ROR2: variants seen among roughly 807,000 people sequenced by gnomAD.
ROR2 encodes the protein tyrosine-protein kinase transmembrane receptor ROR2.
In ROR2, 33 loss-of-function variants were observed where a neutral mutation model predicts 74.9. That is an observed-to-expected ratio of 0.44 (90% CI 0.33 to 0.59). ROR2 has a LOEUF of 0.59. Among genes scored for constraint, ROR2 ranks in the 20% least tolerant of loss-of-function variants. The probability of loss-of-function intolerance (pLI) is 0.02; values close to 1 mark genes in which losing one functional copy is unlikely to be tolerated. For synonymous variants in ROR2, 586 were observed against 558.7 expected (o/e 1.05, Z -0.69); for missense variants, 1,216 against 1,313.8 (o/e 0.93, Z 1.15).
rs575704910 is a variant in ROR2, at chr9:91,761,689, C to T, written c.176-4130G>A. Among the ~76,000 whole-genome samples the T allele has an allele frequency of 1.1e-3, 169 of 152,280 alleles. 2 individuals are homozygous for T. Among genetic ancestry groups the T allele is most frequent in the African/African-American group, 3.9e-3 (161 of 41,550 alleles). On this transcript the variant is annotated intron_variant, in intron 2 of 8. Transcript: ENST00000375708. The stretch of plus-strand genomic sequence containing the variant: ...TAACAGGCCACGCACCAGTACCAGT[C>T]CATGGCTGGGAGGTTGAGGACCACT...
intron 4 of ROR2, among the ~76,000 whole-genome samples, chr9:91,753,328 A>AGCAATGTGTGT (rs1825646719): frequency 6.6e-6 from 1 of 152,252 alleles, no homozygotes. Context: ...ATGAGTGCCA[A>AGCAATGTGTGT]GCAATGTGTG....
chr9:91,741,304 G>GTAGTAA (rs374035845), intron 4 of ROR2, among the ~76,000 whole-genome samples: 29 of 135,604 alleles, frequency 2.1e-4, no homozygotes, highest in Non-Finnish European at 3.8e-4. Context: ...GTCTCAAGTA[G>GTAGTAA]TAATAATAAT....
intron 1 of ROR2, among the ~76,000 whole-genome samples, chr9:91,796,453 A>AAC (rs932090526): frequency 2.0e-5 from 3 of 151,960 alleles, no homozygotes; most frequent in African/African-American, 7.3e-5. Flanking sequence ...AAAAAAAAAA[A>AAC]AACATTTTCA....
chr9:91,732,461 C>T (rs1476960877), intron 6 of ROR2, among the ~76,000 whole-genome samples: 2 of 152,114 alleles, frequency 1.3e-5, no homozygotes, highest in Non-Finnish European at 2.9e-5. Flanking sequence ...TCAGAACTGT[C>T]CCCCTCCCCC....
At chr9:91,831,162 G>A (rs2119184043) in intron 1 of ROR2, among the ~76,000 whole-genome samples, 1 of 152,050 alleles carries the variant, frequency 6.6e-6, no homozygotes, top group East Asian at 1.9e-4. Context: ...TCGGGAGGCT[G>A]AGGCAGGCGA....
chr9:91,856,810 A>G (rs953301927), intron 1 of ROR2, among the ~76,000 whole-genome samples: 4 of 152,214 alleles, frequency 2.6e-5, no homozygotes, highest in African/African-American at 9.6e-5. Flanking sequence ...GGCAATTCCC[A>G]ACATGCACTG....
rs187329915 is a variant in ROR2, at chr9:91,864,738, C to G, written c.97+85129G>C. ...GGCCAGGATATTTTCAGGATGTGCT[C>G]ATTTTAGACAATAACTTATTAAAGA... is the stretch of plus-strand genomic sequence containing the variant. On this transcript the variant is annotated intron_variant, in intron 1 of 8. Coordinates refer to ENST00000375708, the MANE Select transcript of ROR2 (RefSeq NM_004560.4). Among the ~76,000 whole-genome samples the G allele has an allele frequency of 2.6e-3, 394 of 150,934 alleles. 1 individual carries two copies. Among genetic ancestry groups the G allele is most frequent in the African/African-American group, 9.0e-3 (369 of 40,864 alleles).
At chr9:91,793,872 T>C (rs1239290824) in intron 1 of ROR2, among the ~76,000 whole-genome samples, 1 of 151,922 alleles carries the variant, frequency 6.6e-6, no homozygotes, top group African/African-American at 2.4e-5. Flanking sequence ...TAAACTGGGA[T>C]AGGAAAGAGA....
intron 1 of ROR2, among the ~76,000 whole-genome samples, chr9:91,792,303 C>CTTTTTT (rs1358505448): frequency 1.4e-5 from 2 of 142,332 alleles, no homozygotes; most frequent in Non-Finnish European, 1.5e-5. Flanking sequence ...AAAGTTGGTT[C>CTTTTTT]TATTTTTTTT....
At chr9:91,871,443 A>G (rs1392792660) in intron 1 of ROR2, among the ~76,000 whole-genome samples, 1 of 152,238 alleles carries the variant, frequency 6.6e-6, no homozygotes, top group Non-Finnish European at 1.5e-5. Context: ...CATGTCCTAT[A>G]ATAATACAAA....
chr9:91,737,547 A>T, intron 4 of ROR2, 29 bp from the exon 5 acceptor site: 1 of 1,614,090 alleles, frequency 6.2e-7, no homozygotes, highest in Non-Finnish European at 8.5e-7. Flanking sequence ...AGTCTGTTAG[A>T]GCTCTGGGAG....
intron 1 of ROR2, among the ~76,000 whole-genome samples, chr9:91,806,663 T>C (rs749604278): frequency 1.1e-4 from 17 of 152,084 alleles, no homozygotes; most frequent in African/African-American, 2.7e-4. Flanking sequence ...GATCTCAGCT[T>C]ACTACAAGCT....
At chr9:91,813,475 C>T (rs1036396046) in intron 1 of ROR2, among the ~76,000 whole-genome samples, 5 of 152,166 alleles carry the variant, frequency 3.3e-5, no homozygotes, top group African/African-American at 1.2e-4. Flanking sequence ...GAACAGCACT[C>T]AGGGCCCACT....
intron 7 of ROR2, among the ~76,000 whole-genome samples, chr9:91,727,195 C>A (rs929887237): frequency 2.6e-5 from 4 of 152,178 alleles, no homozygotes; most frequent in African/African-American, 9.7e-5. Flanking sequence ...AGACACGATC[C>A]TTTTCCTCAT....
intron 1 of ROR2, among the ~76,000 whole-genome samples, chr9:91,843,109 G>A (rs149424525): frequency 4.3e-4 from 66 of 152,362 alleles, no homozygotes; most frequent in African/African-American, 1.6e-3. Flanking sequence ...GTTTACATGC[G>A]CAGGAGGGAA....
chr9:91,784,795 G>A (rs1015091741), intron 1 of ROR2, among the ~76,000 whole-genome samples: 7 of 152,160 alleles, frequency 4.6e-5, no homozygotes, highest in African/African-American at 1.7e-4. Flanking sequence ...TACACACAAA[G>A]TCCTAACCTA....
Position 91,724,899 on chromosome 9 carries a change from T to C in ROR2, c.1595A>G (p.Gln532Arg), listed in dbSNP as rs759789933. ...RHEAMLRARL[Q>R]HPNVVCLLGV... ...CAGCAGGCAGACGACGTTGGGGTGT[T>C]GCAGCCGTGCTCGCAGCATAGCCTC... Residue 532 changes from glutamine to arginine, a missense_variant, in exon 9 of 9, where the codon CAA (glutamine) becomes CGA (arginine). By Grantham distance (43) the Gln-to-Arg change is conservative (BLOSUM62 1). Coordinates refer to ENST00000375708, the MANE Select transcript of ROR2 (RefSeq NM_004560.4). 6.2e-7 allele frequency: 1 copy of C among 1,607,318 alleles called. No individual in the cohort carries two copies. Among genetic ancestry groups the C allele is most frequent in the South Asian group, 1.1e-5 (1 of 90,678 alleles).
chr9:91,863,388 A>G (rs1829530633), intron 1 of ROR2, among the ~76,000 whole-genome samples: 2 of 152,224 alleles, frequency 1.3e-5, no homozygotes, highest in African/African-American at 2.4e-5. Context: ...AAACATAAAA[A>G]TGTAGATAGG....
At chr9:91,901,064 G>A (rs563472549) in intron 1 of ROR2, among the ~76,000 whole-genome samples, 7 of 152,232 alleles carry the variant, frequency 4.6e-5, no homozygotes, top group Non-Finnish European at 8.8e-5. Context: ...CAGGAAGGTC[G>A]GGCAGAATCC....
Sources: gnomAD v4.1 joint callset for allele counts (sites outside exome capture counted in the v4.1 genomes callset) on GRCh38, gnomAD v4.1.1 for gene constraint, MANE v1.5 for transcripts, NCBI Gene and HGNC (gene_info 2026-07-23, HGNC 2026-07-21) for gene names.